The following SEC14L1 variants were observed in gnomAD, a reference collection of about 807,000 sequenced individuals.
SEC14L1 encodes the protein SEC14 like lipid binding 1, also known as SEC14-like protein 1.
A neutral mutation model predicts 85.3 loss-of-function variants in SEC14L1; 48 were observed. The observed-to-expected ratio is 0.56, with a 90% CI of 0.45 to 0.72. The LOEUF (loss-of-function observed/expected upper bound fraction) is 0.72, where lower values mean the gene tolerates loss of function less well. SEC14L1 is among the 30% of genes least tolerant of loss of function. The probability of loss-of-function intolerance (pLI) is 0.00; values close to 1 mark genes in which losing one functional copy is unlikely to be tolerated. For synonymous variants in SEC14L1, 391 were observed against 355.5 expected (o/e 1.10, Z -1.12); for missense variants, 682 against 921.4 (o/e 0.74, Z 3.36).
At chr17:77,151,248 G>A (rs1386816392) in intron 3 of SEC14L1, among the ~76,000 whole-genome samples, 2 of 152,152 alleles carry the variant, frequency 1.3e-5, no homozygotes, top group Non-Finnish European at 2.9e-5. Context: ...CAATCAGTGG[G>A]AGACTGTGCT....
intron 3 of SEC14L1, among the ~76,000 whole-genome samples, chr17:77,113,859 A>G (rs531046383): frequency 6.6e-6 from 1 of 152,300 alleles, no homozygotes; most frequent in East Asian, 1.9e-4. Flanking sequence ...GGCAAAAACC[A>G]TTTAGATGAG....
In SEC14L1 at chr17:77,206,889, A is replaced by G. The variant is rs1178157190; in HGVS notation, c.1476+27A>G. 3 of 1,494,902 alleles carry G rather than the reference A, an allele frequency of 2.0e-6. No individual in the cohort carries two copies. The highest frequency in any genetic ancestry group is 2.7e-6 in the Non-Finnish European group (3 of 1,120,638). 92.6% of individuals were successfully genotyped at this position (1,494,902 alleles called of 1,614,324 possible). On this transcript the variant is annotated intron_variant, in intron 13 of 16. Coordinates refer to ENST00000436233, the MANE Select transcript of SEC14L1 (RefSeq NM_001143998.2). This position sits in a 1 kb window ranked among gnomAD's most constrained non-coding sequence, Gnocchi z 4.3. Reference sequence around the variant, plus strand: ...TATGTCCTGAGGCGAGGAACTGCACATTTGGCCCCTTATGCAGGTGGGAGA... The same window carrying G: ...TATGTCCTGAGGCGAGGAACTGCACGTTTGGCCCCTTATGCAGGTGGGAGA...
chr17:77,140,271 G>T (rs138569137), upstream of SEC14L1, among the ~76,000 whole-genome samples: 119 of 152,278 alleles, frequency 7.8e-4, 1 homozygote, highest in South Asian at 0.012. Context: ...CCCTGGGCGC[G>T]CGTCTCAGTT....
At chr17:77,109,027 G>T (rs1354544923) in intron 3 of SEC14L1, among the ~76,000 whole-genome samples, 1 of 152,090 alleles carries the variant, frequency 6.6e-6, no homozygotes, top group African/African-American at 2.4e-5. Flanking sequence ...TCACCATGTT[G>T]GTCAGGCTGG....
intron 3 of SEC14L1, among the ~76,000 whole-genome samples, chr17:77,120,491 T>C (rs1472307684): frequency 6.6e-6 from 1 of 152,108 alleles, no homozygotes; most frequent in Non-Finnish European, 1.5e-5. Flanking sequence ...TCTTTTTTTT[T>C]TTTTTAATGA....
intron 3 of SEC14L1, among the ~76,000 whole-genome samples, chr17:77,095,441 T>C (rs1432843192): frequency 4.6e-5 from 7 of 152,220 alleles, no homozygotes; most frequent in Non-Finnish European, 1.0e-4. Context: ...ACCTTGTCTC[T>C]GCATGAAGTG....
At chr17:77,207,041 ATTG>A (rs1380571621) in intron 13 of SEC14L1, among the ~76,000 whole-genome samples, 179 bp downstream of exon 13, 2 of 152,212 alleles carry the variant, frequency 1.3e-5, no homozygotes. Context: ...CATTGAAGTA[ATTG>A]TTGATACTGT....
intron 3 of SEC14L1, among the ~76,000 whole-genome samples, chr17:77,173,523 G>T (rs1974615640): frequency 6.6e-6 from 1 of 152,082 alleles, no homozygotes; most frequent in Non-Finnish European, 1.5e-5. Flanking sequence ...CTGGCTTTGA[G>T]GGGGTAGAGG....
chr17:77,113,203 A>G (rs1972086978), intron 3 of SEC14L1, among the ~76,000 whole-genome samples: 2 of 152,200 alleles, frequency 1.3e-5, no homozygotes, highest in African/African-American at 4.8e-5. Flanking sequence ...GCTTTTTACT[A>G]GGATTTTTAC....
At position 77,104,820 on chromosome 17, in the gene SEC14L1, T is replaced by G. The variant is rs186922486; in HGVS notation, c.-136+11473T>G. Among the ~76,000 whole-genome samples, 861 of 150,672 alleles carry G rather than the reference T, an allele frequency of 5.7e-3. 7 individuals carry two copies. Among genetic ancestry groups the G allele is most frequent in the African/African-American group, 0.016 (632 of 40,554 alleles). On this transcript the variant is annotated intron_variant, in intron 3 of 19. Transcript: ENST00000392476. The stretch of plus-strand genomic sequence containing the variant: ...AAAAAAAAAAAAAGAAAGTTTTTTT[T>G]TGTGTGTGTGTGTGTCAAGGTTGAG...
Position 77,206,414 on chromosome 17 carries a change from C to T in SEC14L1, c.1341+14C>T. On this transcript the variant is annotated intron_variant, in intron 12 of 16. Transcript: ENST00000436233. The surrounding 1 kb of genome is among the most constrained non-coding windows in gnomAD (Gnocchi z 4.3). The stretch of plus-strand genomic sequence containing the variant: ...CTCTGGACGCTGGTGGGTTGAGATG[C>T]TTTTTGCAGTAACTGTGAGCCATTT... 1 of 1,608,914 alleles carries T rather than the reference C, an allele frequency of 6.2e-7. No individual in the cohort carries two copies. The highest frequency in any genetic ancestry group is 1.7e-5 in the Admixed American group (1 of 59,798).
intron 15 of SEC14L1, 28 bp downstream of exon 15, chr17:77,212,229 C>T: frequency 6.2e-7 from 1 of 1,608,892 alleles, no homozygotes; most frequent in Non-Finnish European, 8.5e-7. Context: ...TCAAATCGCG[C>T]ATCCGTGACT....
intron 3 of SEC14L1, among the ~76,000 whole-genome samples, chr17:77,109,911 G>T (rs751394441): frequency 1.7e-4 from 26 of 151,708 alleles, no homozygotes; most frequent in Non-Finnish European, 3.8e-4. Context: ...CTCTTTTTTT[G>T]AAAATAGCAT....
chr17:77,178,762 A>G (rs1024641305), intron 3 of SEC14L1, among the ~76,000 whole-genome samples: 4 of 152,200 alleles, frequency 2.6e-5, no homozygotes, highest in Admixed American at 6.5e-5. Flanking sequence ...CACTGATGTG[A>G]CAGGAGGTGG....
Position 77,213,197 on chromosome 17 carries a change from T to C in SEC14L1, c.1864-117T>C, listed in dbSNP as rs1214586646. 1 of 837,750 alleles carries C rather than the reference T, an allele frequency of 1.2e-6. No individual in the cohort carries two copies. The highest frequency in any genetic ancestry group is 2.9e-5 in the Admixed American group (1 of 34,628). 51.9% of individuals were successfully genotyped at this position (837,750 alleles called of 1,614,324 possible). A position where few individuals can be genotyped will look rare whatever the true frequency, so the allele number is the denominator to read the frequency against. ...TAGCAGGTTCTGAATCCCATTGAGA[T>C]AGTTTCCGTAGCTACATGAAATCCT... On this transcript the variant is annotated intron_variant, in intron 15 of 16. Transcript: ENST00000436233. The surrounding 1 kb of genome is among the most constrained non-coding windows in gnomAD (Gnocchi z 7.1).
intron 2 of SEC14L1, chr17:77,089,572 A>T: frequency 4.3e-6 from 2 of 465,056 alleles, no homozygotes; most frequent in South Asian, 3.1e-5. Context: ...TGTTACTGTC[A>T]TGTCTTTCAT....
In SEC14L1 at chr17:77,166,883, C is replaced by T. The variant is rs1156854848; in HGVS notation, c.63+23224C>T. 2.6e-5 allele frequency among the ~76,000 whole-genome samples: 4 copies of T among 152,098 alleles called. No homozygotes were observed. In the East Asian group the frequency reaches 7.7e-4, roughly 29 times the overall value. On this transcript the variant is annotated intron_variant, in intron 3 of 16. Coordinates refer to ENST00000436233, the MANE Select transcript of SEC14L1 (RefSeq NM_001143998.2). ...AAAACAAAAATAAATAAAGATTGTACCTATTAAATGCAGTAATCTTTGGGA... is the reference window on the plus strand; with the variant it reads ...AAAACAAAAATAAATAAAGATTGTATCTATTAAATGCAGTAATCTTTGGGA...
chr17:77,096,311 G>A (rs1971641569), intron 3 of SEC14L1, among the ~76,000 whole-genome samples: 1 of 147,440 alleles, frequency 6.8e-6, no homozygotes. Flanking sequence ...TGTAATCCCA[G>A]CACTTTGGGC....
intron 3 of SEC14L1, chr17:77,095,103 G>C (rs1341641330): frequency 6.6e-6 from 1 of 152,240 alleles, no homozygotes; most frequent in Non-Finnish European, 1.5e-5. Flanking sequence ...AGCAGCTGCT[G>C]CCCATGTGCA....
Sources: allele counts gnomAD v4.1 joint callset (sites outside exome capture counted in the v4.1 genomes callset), GRCh38; gene constraint gnomAD v4.1.1; non-coding constraint Gnocchi (gnomAD v3.1); transcripts MANE v1.5; gene names NCBI Gene and HGNC (gene_info 2026-07-23, HGNC 2026-07-21).